Variants in TARS3 observed in about 807,000 individuals in gnomAD.
The protein encoded by TARS3 is threonyl-tRNA synthetase 3.
TARS3 carries 94 observed loss-of-function variants against 103.5 expected under a neutral mutation model. The observed-to-expected ratio is 0.91, with a 90% CI of 0.77 to 1.08. The LOEUF is 1.08. Ranked by LOEUF, TARS3 falls within the 50% of genes least tolerant of loss-of-function variation. The pLI is 0.00. For synonymous variants in TARS3, 416 were observed against 355.4 expected, an observed-to-expected ratio of 1.17 and a Z score of -1.92; for missense variants, 952 against 995.2, an observed-to-expected ratio of 0.96 and a Z score of 0.58.
At chr15:101,673,514 TATC>T (rs1897899366) in intron 13 of TARS3, among the ~76,000 whole-genome samples, 1 of 152,238 alleles carries the variant, frequency 6.6e-6, no homozygotes, top group Non-Finnish European at 1.5e-5. Flanking sequence ...CCACCATCGT[TATC>T]ATCATCACCA....
intron 10 of TARS3, among the ~76,000 whole-genome samples, chr15:101,687,075 C>A (rs1346438339): frequency 4.6e-5 from 7 of 152,078 alleles, no homozygotes; most frequent in Non-Finnish European, 4.4e-5. Context: ...ATTCAGTGAG[C>A]TGCTTTACCT....
intron 15 of TARS3, among the ~76,000 whole-genome samples, chr15:101,665,690 C>A (rs185855233): frequency 1.3e-5 from 2 of 152,250 alleles, no homozygotes; most frequent in East Asian, 3.9e-4. Context: ...CAGTTATTTA[C>A]ATAAAAATAG....
chr15:101,701,297 G>T, intron 9 of TARS3, 113 bp from the exon 10 acceptor site: 1 of 583,302 alleles, frequency 1.7e-6, no homozygotes, highest in South Asian at 3.3e-5. Flanking sequence ...GACATTCCAA[G>T]GCCATTCAAC....
At chr15:101,722,642 T>TAAAAAA (rs35018220) in intron 2 of TARS3, among the ~76,000 whole-genome samples, 2 of 58,752 alleles carry the variant, frequency 3.4e-5, no homozygotes, top group Non-Finnish European at 5.7e-5. Context: ...CCATCTCTAC[T>TAAAAAA]AAAAAAAAAA....
At chr15:101,720,980 C>T (rs577434208) in intron 3 of TARS3, 146 bp downstream of exon 3, 1 of 718,262 alleles carries the variant, frequency 1.4e-6, no homozygotes, top group East Asian at 2.6e-5. Context: ...ATTAAATCTT[C>T]TTCCTTTATA....
intron 3 of TARS3, among the ~76,000 whole-genome samples, chr15:101,718,558 C>T (rs1900283110): frequency 6.6e-6 from 1 of 152,084 alleles, no homozygotes; most frequent in Admixed American, 6.6e-5. Context: ...TTTCCCAAAC[C>T]GCAGGAGGGA....
chr15:101,693,957 C>T (rs1898851148), intron 10 of TARS3, among the ~76,000 whole-genome samples: 1 of 151,886 alleles, frequency 6.6e-6, no homozygotes, highest in Non-Finnish European at 1.5e-5. Context: ...ATCTTGATTG[C>T]TGAGGTGATA....
chr15:101,688,967 A>G (rs1330258941), intron 10 of TARS3, among the ~76,000 whole-genome samples: 2 of 152,170 alleles, frequency 1.3e-5, no homozygotes, highest in African/African-American at 4.8e-5. Context: ...GGAAACATTC[A>G]GGATATTTTC....
At chr15:101,721,998 A>T (rs752930055) in intron 2 of TARS3, among the ~76,000 whole-genome samples, 1 of 152,220 alleles carries the variant, frequency 6.6e-6, no homozygotes, top group Non-Finnish European at 1.5e-5. Context: ...AGCACTTTTA[A>T]TGTAGGCTAG....
chr15:101,704,459 C>G (rs1374596216), intron 7 of TARS3, among the ~76,000 whole-genome samples: 1 of 151,998 alleles, frequency 6.6e-6, no homozygotes, highest in Admixed American at 6.6e-5. Flanking sequence ...TCGAGACCAG[C>G]CTCGCCAACA....
intron 12 of TARS3, among the ~76,000 whole-genome samples, chr15:101,681,130 T>G (rs1898239617): frequency 6.6e-6 from 1 of 152,244 alleles, no homozygotes; most frequent in Non-Finnish European, 1.5e-5. Flanking sequence ...ATTTCTAGAC[T>G]CTGTTTTGCT....
In TARS3 at chr15:101,724,343, C is replaced by G; in HGVS notation, c.45G>C (p.Leu15=). 1 of 1,555,192 alleles carries G rather than the reference C, an allele frequency of 6.4e-7. No individual in the cohort carries two copies. The highest frequency in any genetic ancestry group is 8.6e-7 in the Non-Finnish European group (1 of 1,157,276). ...ALAAEAVASR[L]ERQEEDIRWL... The stretch of plus-strand genomic sequence containing the variant: ...AGCGGATGTCCTCCTCCTGCCGCTC[C>G]AGGCGCGACGCCACGGCCTCCGCCG... The change falls in exon 1 of 19, where the codon CTG becomes CTC. Residue 15 remains leucine (L), a synonymous_variant. Coordinates refer to ENST00000335968, the MANE Select transcript of TARS3 (RefSeq NM_152334.3).
chr15:101,699,523 G>C (rs1899150415), intron 10 of TARS3: 1 of 446,502 alleles, frequency 2.2e-6, no homozygotes, highest in Admixed American at 2.5e-5. Context: ...GAGAGTACAA[G>C]GTGCCAGGGG....
In TARS3 at chr15:101,654,627, C is replaced by G; in HGVS notation, c.2364G>C (p.Lys788Asn). 6.2e-7 allele frequency: 1 copy of G among 1,614,124 alleles called. No individual in the cohort carries two copies. The highest frequency in any genetic ancestry group is 8.5e-7 in the Non-Finnish European group (1 of 1,180,018). The change falls in exon 19 of 19, where the codon AAG becomes AAC. Residue 788 changes from lysine (K) to asparagine (N), a missense_variant. Around this residue, in one of 2 missense-constraint regions of TARS3, gnomAD observed 540 missense variants for 631.0 expected, o/e 0.86. Coordinates refer to ENST00000335968, the MANE Select transcript of TARS3 (RefSeq NM_152334.3). ...TGAGTGTCCGTGTCTTCCTGAGATT[C>G]TTCAGTTTATCAATGGCAGAAGTTA... ...ILVTSAIDKL[K>N]NLRKTRTLNA...
Position 101,671,567 on chromosome 15 carries a change from T to C in TARS3, c.1886A>G (p.Asp629Gly). Residue 629 changes from aspartate to glycine, a missense_variant, in exon 15 of 19, where the codon GAT (aspartate) becomes GGT (glycine). This residue lies in a region of TARS3 where 540 missense variants were observed against 631.0 expected (regional missense o/e 0.86). Transcript: ENST00000335968. ...ACATTGATGGTATCTGCCAATAGCA[T>C]CCTTGATTTTTATGTCAATCTACAA... is the stretch of plus-strand genomic sequence containing the variant. ...YGPKIDIKIK[D>G]AIGRYHQCAT... is the part of the protein sequence containing the mutation. 3 of 1,611,276 alleles carry C rather than the reference T, an allele frequency of 1.9e-6. No homozygotes were observed. Among genetic ancestry groups the C allele is most frequent in the Non-Finnish European group, 2.5e-6 (3 of 1,177,544 alleles).
At chr15:101,697,792 C>T (rs1258416041) in intron 10 of TARS3, among the ~76,000 whole-genome samples, 1 of 152,164 alleles carries the variant, frequency 6.6e-6, no homozygotes, top group East Asian at 1.9e-4. Context: ...TAGACCCTTT[C>T]CATTAAACAC....
intron 10 of TARS3, among the ~76,000 whole-genome samples, chr15:101,690,702 A>G (rs1428353754): frequency 6.6e-6 from 1 of 152,210 alleles, no homozygotes; most frequent in Non-Finnish European, 1.5e-5. Flanking sequence ...TAATCCTTCT[A>G]CTATTGAGAA....
intron 10 of TARS3, among the ~76,000 whole-genome samples, chr15:101,696,657 C>T (rs928503612): frequency 7.9e-5 from 12 of 152,178 alleles, no homozygotes; most frequent in Non-Finnish European, 1.2e-4. Context: ...AACAGACACC[C>T]TCTTGGCCAA....
chr15:101,699,358 G>C (rs1026138164), intron 10 of TARS3: 4 of 455,302 alleles, frequency 8.8e-6, no homozygotes, highest in East Asian at 7.0e-5. Context: ...CTGGGTTTGT[G>C]CATTTAAGTG....
Sources: allele counts gnomAD v4.1 joint callset (sites outside exome capture counted in the v4.1 genomes callset), GRCh38; gene constraint gnomAD v4.1.1; regional missense constraint gnomAD v4.1.1; transcripts MANE v1.5; gene names NCBI Gene and HGNC (gene_info 2026-07-23, HGNC 2026-07-21).